Variants in PDK1 observed in about 807,000 individuals in gnomAD.
The protein encoded by PDK1 is pyruvate dehydrogenase kinase 1.
A neutral mutation model predicts 54.2 loss-of-function variants in PDK1; 39 were observed. The ratio of observed to expected loss-of-function variants is 0.72; its 90% CI spans 0.56 to 0.94. The LOEUF is 0.94. PDK1 is among the 40% of genes least tolerant of loss of function. The probability of loss-of-function intolerance (pLI) is 0.00; values close to 1 mark genes in which losing one functional copy is unlikely to be tolerated. For synonymous variants in PDK1, 221 were observed against 207.1 expected, an observed-to-expected ratio of 1.07 and a Z score of -0.58; for missense variants, 552 against 566.0, an observed-to-expected ratio of 0.98 and a Z score of 0.25.
chr2:172,568,327 CAAAAAAAAA>C (rs11400625), intron 6 of PDK1, among the ~76,000 whole-genome samples: 3 of 57,110 alleles, frequency 5.3e-5, no homozygotes, highest in African/African-American at 1.9e-4. Flanking sequence ...GACTCCGTCT[CAAAAAAAAA>C]AAAAAAAAAA....
intron 9 of PDK1, among the ~76,000 whole-genome samples, chr2:172,587,474 T>A (rs1336021926): frequency 6.6e-6 from 1 of 152,060 alleles, no homozygotes; most frequent in Non-Finnish European, 1.5e-5. Flanking sequence ...CAGAGTTGTT[T>A]GTTCTTCTGG....
At chr2:172,623,284 T>C in the PDK1 span, among the ~76,000 whole-genome samples, 1 of 152,174 alleles carries the variant, frequency 6.6e-6, no homozygotes, top group African/African-American at 2.4e-5. Context: ...ACAGAGTGCC[T>C]ACCCTCCACT....
chr2:172,631,864 T>A, the PDK1 span, among the ~76,000 whole-genome samples: 1 of 152,224 alleles, frequency 6.6e-6, no homozygotes, highest in African/African-American at 2.4e-5. Context: ...TTTCTGATAT[T>A]TGTATACGAA....
At chr2:172,674,602 C>G in the PDK1 span, 2 of 152,350 alleles carry the variant, frequency 1.3e-5, no homozygotes, top group Non-Finnish European at 2.9e-5. Flanking sequence ...CTGCAGAAGT[C>G]GTCAGCACTG....
chr2:172,616,427 A>C, the PDK1 span, among the ~76,000 whole-genome samples: 1 of 152,348 alleles, frequency 6.6e-6, no homozygotes, highest in East Asian at 1.9e-4. Context: ...TTTGAGTGGA[A>C]AAGAACTCCC....
the PDK1 span, among the ~76,000 whole-genome samples, chr2:172,614,497 T>C: frequency 0.1 from 15,520 of 152,186 alleles, 957 homozygotes; most frequent in Non-Finnish European, 0.13. Flanking sequence ...TAACTGGAGA[T>C]GATGGGCGAC....
the PDK1 span, among the ~76,000 whole-genome samples, chr2:172,663,599 G>T: frequency 2.0e-5 from 3 of 152,126 alleles, no homozygotes; most frequent in Non-Finnish European, 4.4e-5. Flanking sequence ...CCAGGTGGGA[G>T]GGGGTCCTGG....
chr2:172,637,301 C>T, the PDK1 span, among the ~76,000 whole-genome samples: 2 of 152,220 alleles, frequency 1.3e-5, no homozygotes, highest in Non-Finnish European at 2.9e-5. Context: ...CCCTTCACTG[C>T]TCAGTTAGAA....
At chr2:172,572,830 T>C (rs566452577) in intron 8 of PDK1, among the ~76,000 whole-genome samples, 25 of 152,326 alleles carry the variant, frequency 1.6e-4, no homozygotes, top group African/African-American at 5.8e-4. Flanking sequence ...TGTGTATTTC[T>C]CTTTCTGGGC....
the PDK1 span, among the ~76,000 whole-genome samples, chr2:172,680,425 C>G: frequency 2.6e-5 from 4 of 152,146 alleles, no homozygotes; most frequent in African/African-American, 7.2e-5. Context: ...GATCATAGCT[C>G]ACTGCAGCCT....
At chr2:172,569,717 A>G (rs1689143607) in intron 7 of PDK1, among the ~76,000 whole-genome samples, 1 of 152,284 alleles carries the variant, frequency 6.6e-6, no homozygotes, top group South Asian at 2.1e-4. Flanking sequence ...TAAAATATTT[A>G]TTTTATTTTT....
Position 172,604,201 on chromosome 2 carries a change from C to T in PDK1, c.*8232C>T, listed in dbSNP as rs1691210099. 6.6e-6 allele frequency: 1 copy of T among 152,218 alleles called. No homozygotes were observed. Among genetic ancestry groups the T allele is most frequent in the South Asian group, 2.1e-4 (1 of 4,830 alleles). The allele number at this position is 152,218 out of a possible 1,614,324, so 9.4% of individuals were successfully genotyped here. Reference sequence around the variant, plus strand: ...AGTTGAAGCAATTCTCCTGCCTCAGCCTCCCCAGTAGCTGGGATTACAGGC... The same window carrying T: ...AGTTGAAGCAATTCTCCTGCCTCAGTCTCCCCAGTAGCTGGGATTACAGGC... On this transcript the variant is annotated 3_prime_UTR_variant, in exon 11 of 11. Transcript: ENST00000282077.
At chr2:172,595,785 T>C (rs375649874) in intron 10 of PDK1, 44 bp from the exon 11 acceptor site, 1 of 1,562,108 alleles carries the variant, frequency 6.4e-7, no homozygotes, top group African/African-American at 1.4e-5. Flanking sequence ...TAATGAATTC[T>C]AAAAAATGCC....
the PDK1 span, among the ~76,000 whole-genome samples, chr2:172,702,369 C>A: frequency 1.3e-5 from 2 of 151,840 alleles, no homozygotes; most frequent in Non-Finnish European, 1.5e-5. Context: ...CCCAGCTACT[C>A]GGGAGGCTGG....
At chr2:172,555,952 C>T (rs1688288024), upstream of PDK1, 2 of 401,668 alleles carry the variant, frequency 5.0e-6, no homozygotes, top group East Asian at 7.6e-5. Flanking sequence ...AAGCGCCCGC[C>T]CCTTTTCTCT....
the PDK1 span, among the ~76,000 whole-genome samples, chr2:172,691,595 C>T: frequency 1.3e-5 from 2 of 152,228 alleles, no homozygotes; most frequent in African/African-American, 2.4e-5. Context: ...TAACCCCTGG[C>T]AACCACTGAT....
the PDK1 span, among the ~76,000 whole-genome samples, chr2:172,720,278 C>T: frequency 1.3e-5 from 2 of 152,040 alleles, no homozygotes; most frequent in Non-Finnish European, 2.9e-5. Flanking sequence ...CCAAACTGGG[C>T]TAATTTTTGT....
Position 172,607,771 on chromosome 2 carries a change from GA to G in PDK1, c.*11806del. 4 of 153,386 alleles carry G rather than the reference GA, an allele frequency of 2.6e-5. No individual in the cohort carries two copies. The highest frequency in any genetic ancestry group is 4.4e-5 in the Non-Finnish European group (3 of 68,938). The allele number at this position is 153,386 out of a possible 1,614,324, so 9.5% of individuals were successfully genotyped here. On this transcript the variant is annotated 3_prime_UTR_variant, in exon 11 of 11. Coordinates refer to ENST00000282077, the MANE Select transcript of PDK1 (RefSeq NM_002610.5). ...AAGGACCAGAAGGCAGCAGGGGAAG[GA>G]AAAGGAGCAGGGGATAGGGGAACTT...
chr2:172,668,939 A>AG, the PDK1 span, among the ~76,000 whole-genome samples: 21 of 129,290 alleles, frequency 1.6e-4, no homozygotes, highest in East Asian at 4.6e-4. Flanking sequence ...AGAGAGAGAG[A>AG]AAGAGAGAGA....
Sources: gnomAD v4.1 joint callset for allele counts (sites outside exome capture counted in the v4.1 genomes callset) on GRCh38, gnomAD v4.1.1 for gene constraint, MANE v1.5 for transcripts, NCBI Gene and HGNC (gene_info 2026-07-23, HGNC 2026-07-21) for gene names.